Variants in ZNF385C observed in about 807,000 individuals in gnomAD.
The protein encoded by ZNF385C is CTD-2132N18.2.
In ZNF385C, 28 loss-of-function variants were observed where a neutral mutation model predicts 35.4. That is an observed-to-expected ratio of 0.79 (90% CI 0.59 to 1.08). ZNF385C has a LOEUF of 1.08. Ranked by LOEUF, ZNF385C falls within the 50% of genes least tolerant of loss-of-function variation. ZNF385C has a pLI of 0.00. For missense variants in ZNF385C, 605 were observed against 595.6 expected, an observed-to-expected ratio of 1.02 and a Z score of -0.16; for synonymous variants, 248 against 248.2, an observed-to-expected ratio of 1.00 and a Z score of 0.01.
intron 1 of ZNF385C, among the ~76,000 whole-genome samples, chr17:42,083,735 T>TTC (rs1555659926): frequency 7.1e-6 from 1 of 141,102 alleles, no homozygotes; most frequent in African/African-American, 2.7e-5. Flanking sequence ...TTTTTTTTTT[T>TTC]TGAGACAGAG....
In ZNF385C at chr17:42,026,449, A is replaced by G. The variant is rs563904162; in HGVS notation, c.*448T>C. 3 of 197,424 alleles carry G rather than the reference A, an allele frequency of 1.5e-5. No homozygotes were observed. Among genetic ancestry groups the G allele is most frequent in the South Asian group, 7.8e-5 (1 of 12,758 alleles). The allele number at this position is 197,424 out of a possible 1,614,324, so 12.2% of individuals were successfully genotyped here. A position where few individuals can be genotyped will look rare whatever the true frequency, so the allele number is the denominator to read the frequency against. On this transcript the variant is annotated 3_prime_UTR_variant, in exon 9 of 9. Transcript: ENST00000692273. ...ACACTCCCATGGTCACCTTGTCCTG[A>G]CAGCCTTGAGCCTGCTGCAGCTAGA...
intron 2 of ZNF385C, chr17:42,041,010 C>T: frequency 1.6e-6 from 2 of 1,232,320 alleles, no homozygotes; most frequent in Non-Finnish European, 2.0e-6. Flanking sequence ...CCTCCTGTAG[C>T]TCCACACTGC....
chr17:42,042,737 GC>G, intron 2 of ZNF385C: 5 of 924,990 alleles, frequency 5.4e-6, no homozygotes, highest in Non-Finnish European at 7.1e-6. Flanking sequence ...AAATGCCCTA[GC>G]TGCTCCCCAA....
rs1183927600 is a variant in ZNF385C at position 42,050,735 on chromosome 17, T to G, written c.250+12072A>C. On this transcript the variant is annotated intron_variant, in intron 2 of 8. Transcript: ENST00000692273. This position sits in a 1 kb window ranked among gnomAD's most constrained non-coding sequence, Gnocchi z 5.6. ...CGGGGCTCACCTGGCCGCGCCCACC[T>G]GCGGCGCCTCCCGCCCAGCGCGCTC... 6.7e-6 allele frequency: 1 copy of G among 149,928 alleles called. No homozygotes were observed. Among genetic ancestry groups the G allele is most frequent in the Non-Finnish European group, 1.5e-5 (1 of 67,404 alleles). 9.3% of individuals were successfully genotyped at this position (149,928 alleles called of 1,614,324 possible). A position where few individuals can be genotyped will look rare whatever the true frequency, so the allele number is the denominator to read the frequency against.
intron 5 of ZNF385C, among the ~76,000 whole-genome samples, chr17:42,029,920 AC>A (rs2052689173): frequency 6.8e-6 from 1 of 146,622 alleles, no homozygotes; most frequent in Admixed American, 6.8e-5. Flanking sequence ...TATAGTTCCA[AC>A]TACTTGGGAG....
At chr17:42,038,104 TC>T in intron 2 of ZNF385C, 4 of 1,529,684 alleles carry the variant, frequency 2.6e-6, no homozygotes, top group Non-Finnish European at 3.5e-6. Context: ...CAGTTGAGGC[TC>T]CCAGCCCAGA....
rs1555655615 is a variant in ZNF385C at position 42,037,730 on chromosome 17, C to A, written c.399+7G>T. ...TGCATGCCCCCACCCGCCAGCCCAG[C>A]CCATACCGTGCTGAAGTTGGGGAAG... is the stretch of plus-strand genomic sequence containing the variant. On this transcript the variant is annotated splice_region_variant and intron_variant, in intron 3 of 8. Coordinates refer to ENST00000692273, the MANE Select transcript of ZNF385C (RefSeq NM_001392013.1). The A allele has an allele frequency of 6.6e-7, 1 of 1,525,826 alleles. No individual in the cohort carries two copies. The highest frequency in any genetic ancestry group is 2.5e-5 in the East Asian group (1 of 40,680). 94.5% of individuals were successfully genotyped at this position (1,525,826 alleles called of 1,614,324 possible).
At chr17:42,092,664 C>A (rs993364254) in intron 1 of ZNF385C, among the ~76,000 whole-genome samples, 2 of 152,174 alleles carry the variant, frequency 1.3e-5, no homozygotes, top group African/African-American at 4.8e-5. Context: ...AAGACCACAC[C>A]CCATGTGTCC....
intron 1 of ZNF385C, among the ~76,000 whole-genome samples, chr17:42,074,882 A>G (rs2053668153): frequency 6.6e-6 from 1 of 152,218 alleles, no homozygotes; most frequent in South Asian, 2.1e-4. Context: ...AGGTCATCCC[A>G]TCTCTTTTGT....
chr17:42,030,507 C>CA lies in ZNF385C; in HGVS notation c.676+1111dup, dbSNP rs371549491. On this transcript the variant is annotated intron_variant, in intron 5 of 8. Transcript: ENST00000692273. The stretch of plus-strand genomic sequence containing the variant: ...TGTCTCAAAAAACAAACAAACAAAA[C>CA]AAAAAAAACCCACAAAACAAAACAG... 9.6e-3 allele frequency among the ~76,000 whole-genome samples: 1,452 copies of CA among 151,500 alleles called. 27 individuals carry two copies. The highest frequency in any genetic ancestry group is 0.033 in the African/African-American group (1,354 of 41,318).
Position 42,028,840 on chromosome 17 carries a change from A to G in ZNF385C, c.910T>C (p.Cys304Arg). 1 of 1,550,580 alleles carries G rather than the reference A, an allele frequency of 6.4e-7. No homozygotes were observed. The highest frequency in any genetic ancestry group is 8.7e-7 in the Non-Finnish European group (1 of 1,146,970). ...EGRSEKGHLY[C>R]PTCKVTVNSA... ...TTCACTGTCACCTTACACGTGGGGC[A>G]GTAGAGGTGCCCCTTCTCACTCCTG... is the stretch of plus-strand genomic sequence containing the variant. Residue 304 changes from cysteine (C) to arginine (R), a missense_variant, in exon 6 of 9, where the codon TGC (cysteine) becomes CGC (arginine). Transcript: ENST00000692273.
At chr17:42,034,978 C>T (rs2052815921) in intron 3 of ZNF385C, among the ~76,000 whole-genome samples, 1 of 151,346 alleles carries the variant, frequency 6.6e-6, no homozygotes, top group Admixed American at 6.6e-5. Flanking sequence ...CAAAAATTAG[C>T]CAGGTGTGGT....
chr17:42,058,877 G>A (rs781846947), intron 2 of ZNF385C, among the ~76,000 whole-genome samples: 10 of 152,140 alleles, frequency 6.6e-5, no homozygotes, highest in Non-Finnish European at 1.5e-4. Context: ...GGCTGGTCTC[G>A]AATTCTTGAC....
chr17:42,037,812 CG>C lies in ZNF385C; in HGVS notation c.323del (p.Pro108ArgfsTer45). 6.6e-7 allele frequency: 1 copy of C among 1,523,934 alleles called. No homozygotes were observed. The highest frequency in any genetic ancestry group is 8.8e-7 in the Non-Finnish European group (1 of 1,134,686). The allele number at this position is 1,523,934 out of a possible 1,614,324, so 94.4% of individuals were successfully genotyped here. A position where few individuals can be genotyped will look rare whatever the true frequency, so the allele number is the denominator to read the frequency against. Reference sequence around the variant, plus strand: ...AGGCGAGCAAGTGCTTGAAGTCCAGCGGGGGCTGCAGAGGCCGGGTGGGCAG... The same window carrying C: ...AGGCGAGCAAGTGCTTGAAGTCCAGCGGGGCTGCAGAGGCCGGGTGGGCAG... ...LPLPTRPLQP[P>X]LDFKHLLAFH... On this transcript the variant is annotated frameshift_variant, in exon 3 of 9. Transcript: ENST00000692273. LOFTEE classifies it high-confidence loss of function.
chr17:42,036,456 G>A (rs1190812493), intron 3 of ZNF385C, among the ~76,000 whole-genome samples: 1 of 152,026 alleles, frequency 6.6e-6, no homozygotes, highest in Non-Finnish European at 1.5e-5. Flanking sequence ...ACTTTGGGAG[G>A]CCGAGGTGGG....
intron 2 of ZNF385C, among the ~76,000 whole-genome samples, chr17:42,057,558 GGAGTTCAGCCT>G (rs2053400552): frequency 6.8e-6 from 1 of 147,646 alleles, no homozygotes; most frequent in Non-Finnish European, 1.5e-5. Flanking sequence ...ATAGGGTCAT[GGAGTTCAGCCT>G]TCTTCTGGGG....
At chr17:42,059,547 G>C (rs1262638899) in intron 2 of ZNF385C, among the ~76,000 whole-genome samples, 1 of 152,210 alleles carries the variant, frequency 6.6e-6, no homozygotes, top group African/African-American at 2.4e-5. Flanking sequence ...CAGGTAGAGG[G>C]GGAGTCCGCA....
At chr17:42,039,544 GGGGGGGTTGGTGGGAA>G in intron 2 of ZNF385C, 1 of 437,252 alleles carries the variant, frequency 2.3e-6, no homozygotes, top group Non-Finnish European at 3.1e-6. Context: ...CCACAGGGTG[GGGGGGGTTGGTGGGAA>G]GCTCCAGAAG....
chr17:42,081,912 T>G (rs900504409), intron 1 of ZNF385C, among the ~76,000 whole-genome samples: 2 of 152,198 alleles, frequency 1.3e-5, no homozygotes, highest in African/African-American at 4.8e-5. Context: ...GCCCAGATTC[T>G]GAAGAGTTTC....
Sources: gnomAD v4.1 joint callset for allele counts (sites outside exome capture counted in the v4.1 genomes callset) on GRCh38, gnomAD v4.1.1 for gene constraint, Gnocchi (gnomAD v3.1) non-coding constraint, MANE v1.5 for transcripts, NCBI Gene and HGNC (gene_info 2026-07-23, HGNC 2026-07-21) for gene names.